AKAP11: variants seen among roughly 807,000 people sequenced by gnomAD.
AKAP11 encodes A-kinase anchoring protein 11, also known as A-kinase anchor protein 11.
A neutral mutation model predicts 146.1 loss-of-function variants in AKAP11; 36 were observed. The observed-to-expected ratio is 0.25, with a 90% CI of 0.19 to 0.33. The LOEUF is 0.33. AKAP11 is among the 10% of genes least tolerant of loss of function. The probability of loss-of-function intolerance (pLI) is 1.00; values close to 1 mark genes in which losing one functional copy is unlikely to be tolerated. For synonymous variants in AKAP11, 780 were observed against 786.5 expected, an observed-to-expected ratio of 0.99 and a Z score of 0.14; for missense variants, 2,201 against 2,197.0, an observed-to-expected ratio of 1.00 and a Z score of -0.04.
intron 1 of AKAP11, among the ~76,000 whole-genome samples, chr13:42,273,622 C>T (rs1048823689): frequency 1.3e-5 from 2 of 152,088 alleles, no homozygotes; most frequent in Non-Finnish European, 2.9e-5. Context: ...CAGTGGACTC[C>T]TAGGCCAGTG....
At position 42,295,807 on chromosome 13, in the gene AKAP11, A is replaced by G; in HGVS notation, c.216+65A>G. The G allele has an allele frequency of 2.7e-6, 4 of 1,478,450 alleles. No homozygotes were observed. In the South Asian group the frequency reaches 3.6e-5, roughly 13 times the overall value. 91.6% of individuals were successfully genotyped at this position (1,478,450 alleles called of 1,614,324 possible). On this transcript the variant is annotated intron_variant, in intron 5 of 12. Transcript: ENST00000025301. ...ATGGAAATCAGCTTTAGGTTTGACC[A>G]CAAAAGTCATTTATCTGAGAAGGTT...
chr13:42,312,313 TTTC>T (rs1960603315), intron 9 of AKAP11, among the ~76,000 whole-genome samples: 1 of 152,196 alleles, frequency 6.6e-6, no homozygotes, highest in Non-Finnish European at 1.5e-5. Flanking sequence ...AAGTAGTTGC[TTTC>T]TTCTTCAGTT....
At chr13:42,295,769 G>T in intron 5 of AKAP11, 27 bp downstream of exon 5, 1 of 1,598,178 alleles carries the variant, frequency 6.3e-7, no homozygotes, top group South Asian at 1.1e-5. Flanking sequence ...CATTTTTACT[G>T]AGTATTCTTG....
chr13:42,308,836 A>G (rs899490954), intron 9 of AKAP11, among the ~76,000 whole-genome samples: 7 of 152,144 alleles, frequency 4.6e-5, no homozygotes, highest in African/African-American at 1.4e-4. Context: ...TTTGAAAAAT[A>G]TTGCATACAT....
chr13:42,297,301 G>A, intron 6 of AKAP11, 119 bp downstream of exon 6: 1 of 706,802 alleles, frequency 1.4e-6, no homozygotes, highest in Non-Finnish European at 2.1e-6. Flanking sequence ...GGTATCTCAA[G>A]GAAATATGAT....
Position 42,303,272 on chromosome 13 carries a change from A to G in AKAP11, c.4526A>G (p.Lys1509Arg). The G allele has an allele frequency of 6.2e-7, 1 of 1,613,486 alleles. No individual in the cohort carries two copies. Among genetic ancestry groups the G allele is most frequent in the Non-Finnish European group, 8.5e-7 (1 of 1,180,030 alleles). Residue 1509 changes from lysine (K) to arginine (R), a missense_variant, in exon 8 of 13, where the codon AAG becomes AGG. Lys to Arg is a conservative substitution (Grantham distance 26). This residue lies in a region of AKAP11 where 1,867 missense variants were observed against 1,833.5 expected (regional missense o/e 1.02). Coordinates refer to ENST00000025301, the MANE Select transcript of AKAP11 (RefSeq NM_016248.4). The stretch of plus-strand genomic sequence containing the variant: ...TGTCACGTTACACCAGAATTGCCTA[A>G]GTCTCTTCAGCCTTCCTCACAAAAT... ...NECHVTPELP[K>R]SLQPSSQNHR...
chr13:42,301,647 C>T lies in AKAP11; in HGVS notation c.2901C>T (p.Tyr967=). ...CAAATATAGATAAAAATGCAGTATA[C>T]AAGGAAAGCTTGCCTGTTTCTGGAG... is the stretch of plus-strand genomic sequence containing the variant. ...VIPNIDKNAV[Y]KESLPVSGEE... is the part of the protein sequence containing the mutation. The change falls in exon 8 of 13, where the codon TAC becomes TAT. Residue 967 remains tyrosine (Y), a synonymous_variant. Coordinates refer to ENST00000025301, the MANE Select transcript of AKAP11 (RefSeq NM_016248.4). The T allele has an allele frequency of 6.2e-7, 1 of 1,614,036 alleles. No individual in the cohort carries two copies. Among genetic ancestry groups the T allele is most frequent in the Admixed American group, 1.7e-5 (1 of 60,012 alleles).
At position 42,274,542 on chromosome 13, in the gene AKAP11, C is replaced by T. The variant is rs118059944; in HGVS notation, c.-100+2314C>T. ...TTACTAAAAAATAAAAAATTAGCCACGTGTTATGGCACATGCCTGTAATCC... is the reference window on the plus strand; with the variant it reads ...TTACTAAAAAATAAAAAATTAGCCATGTGTTATGGCACATGCCTGTAATCC... On this transcript the variant is annotated intron_variant, in intron 1 of 12. Transcript: ENST00000025301. Among the ~76,000 whole-genome samples the T allele has an allele frequency of 9.5e-3, 1,446 of 152,196 alleles. 14 individuals are homozygous for T. The highest frequency in any genetic ancestry group is 0.015 in the Non-Finnish European group (1,006 of 68,002).
chr13:42,298,938 T>A, intron 7 of AKAP11, 141 bp downstream of exon 7: 2 of 857,072 alleles, frequency 2.3e-6, no homozygotes, highest in Non-Finnish European at 3.4e-6. Flanking sequence ...TCTGATTACC[T>A]AAGGAAATTC....
intron 1 of AKAP11, among the ~76,000 whole-genome samples, chr13:42,274,442 AG>A (rs1375752530): frequency 2.0e-5 from 3 of 152,192 alleles, no homozygotes; most frequent in Non-Finnish European, 4.4e-5. Context: ...CCAGGACTTT[AG>A]GAGGCTGAGG....
chr13:42,301,937 A>G lies in AKAP11; in HGVS notation c.3191A>G (p.Asn1064Ser), dbSNP rs1566277647. The change falls in exon 8 of 13, where the codon AAC becomes AGC. Residue 1064 changes from asparagine to serine, a missense_variant. Physicochemically the swap from Asn to Ser is conservative, Grantham distance 46 (BLOSUM62 1). Coordinates refer to ENST00000025301, the MANE Select transcript of AKAP11 (RefSeq NM_016248.4). The stretch of plus-strand genomic sequence containing the variant: ...GAGGCCTTGTCTTTTGGACAGGAAA[A>G]CCCCTTTCCTCATTCACATACTTTC... Reference protein sequence around the residue: ...SLEALSFGQENPFPHSHTFSS... With the variant: ...SLEALSFGQESPFPHSHTFSS... 1.2e-6 allele frequency: 2 copies of G among 1,613,944 alleles called. No individual in the cohort carries two copies. Among genetic ancestry groups the G allele is most frequent in the Non-Finnish European group, 1.7e-6 (2 of 1,179,978 alleles).
At chr13:42,280,747 C>T (rs555910170) in intron 1 of AKAP11, among the ~76,000 whole-genome samples, 6 of 152,008 alleles carry the variant, frequency 3.9e-5, no homozygotes, top group Non-Finnish European at 8.8e-5. Flanking sequence ...GAGATATGAG[C>T]CAAGCCTATT....
chr13:42,300,751 C>G lies in AKAP11; in HGVS notation c.2005C>G (p.Gln669Glu). The change falls in exon 8 of 13, where the codon CAA (glutamine) becomes GAA (glutamate). Residue 669 changes from glutamine (Q) to glutamate (E), a missense_variant. Transcript: ENST00000025301. Reference protein sequence around the residue: ...IMEVCQFSYPQTPASPQCGSF... With the variant: ...IMEVCQFSYPETPASPQCGSF... Reference sequence around the variant, plus strand: ...GGAGGTGTGTCAGTTTTCATATCCTCAAACGCCTGCATCTCCACAGTGTGG... The same window carrying G: ...GGAGGTGTGTCAGTTTTCATATCCTGAAACGCCTGCATCTCCACAGTGTGG... 6.2e-7 allele frequency: 1 copy of G among 1,614,060 alleles called. No homozygotes were observed. Among genetic ancestry groups the G allele is most frequent in the East Asian group, 2.2e-5 (1 of 44,896 alleles).
rs1960038112 is a variant in AKAP11, at chr13:42,303,055, A to C, written c.4309A>C (p.Asn1437His). ...AAGAAATGAAGGTTACTTTTGTAAA[A>C]ATCAAACTTGTGAAAGGACCCTGGA... ...SKRNEGYFCK[N>H]QTCERTLDPY... Residue 1437 changes from asparagine to histidine, a missense_variant, in exon 8 of 13, where the codon AAT becomes CAT. Asn to His is a moderately conservative substitution (Grantham distance 68). This residue lies in a region of AKAP11 where 1,867 missense variants were observed against 1,833.5 expected (regional missense o/e 1.02). Transcript: ENST00000025301. 1 of 1,612,912 alleles carries C rather than the reference A, an allele frequency of 6.2e-7. No homozygotes were observed. Among genetic ancestry groups the C allele is most frequent in the African/African-American group, 1.3e-5 (1 of 74,734 alleles).
At chr13:42,315,446 T>C (rs1158727066) in intron 11 of AKAP11, among the ~76,000 whole-genome samples, 1 of 152,236 alleles carries the variant, frequency 6.6e-6, no homozygotes, top group Non-Finnish European at 1.5e-5. Context: ...ATAAAAGTTA[T>C]GCCTTTTCTC....
intron 4 of AKAP11, among the ~76,000 whole-genome samples, chr13:42,292,997 T>G (rs1959286909): frequency 6.6e-6 from 1 of 152,216 alleles, no homozygotes; most frequent in South Asian, 2.1e-4. Context: ...CTTGCTCACC[T>G]ATTTCTCTGC....
At chr13:42,292,798 C>T (rs1337645246) in intron 4 of AKAP11, among the ~76,000 whole-genome samples, 2 of 152,128 alleles carry the variant, frequency 1.3e-5, no homozygotes, top group African/African-American at 4.8e-5. Context: ...CTATATTCAG[C>T]AACTGATACT....
At chr13:42,308,075 G>T (rs955117182) in intron 8 of AKAP11, among the ~76,000 whole-genome samples, 1 of 152,164 alleles carries the variant, frequency 6.6e-6, no homozygotes, top group Non-Finnish European at 1.5e-5. Context: ...GCCAGAAAGA[G>T]ACTCCTTTAA....
Position 42,321,207 on chromosome 13 carries a change from A to T in AKAP11, c.*1979A>T, listed in dbSNP as rs1392491245. 1 of 152,374 alleles carries T rather than the reference A, an allele frequency of 6.6e-6. No homozygotes were observed. The highest frequency in any genetic ancestry group is 6.5e-5 in the Admixed American group (1 of 15,280). The allele number at this position is 152,374 out of a possible 1,614,324, so 9.4% of individuals were successfully genotyped here. ...GTTTAGTAACTTGAGTGTATGCACA[A>T]GTTTGATCAACAGCAAAATAGAGTT... On this transcript the variant is annotated 3_prime_UTR_variant, in exon 13 of 13. Coordinates refer to ENST00000025301, the MANE Select transcript of AKAP11 (RefSeq NM_016248.4).
Sources: allele counts gnomAD v4.1 joint callset (sites outside exome capture counted in the v4.1 genomes callset), GRCh38; gene constraint gnomAD v4.1.1; regional missense constraint gnomAD v4.1.1; transcripts MANE v1.5; gene names NCBI Gene and HGNC (gene_info 2026-07-23, HGNC 2026-07-21).